Variants in STK33 observed in about 807,000 individuals in gnomAD.
STK33 encodes the protein serine/threonine kinase 33, also known as serine/threonine-protein kinase 33.
A neutral mutation model predicts 58.0 loss-of-function variants in STK33; 52 were observed. The observed-to-expected ratio is 0.90, with a 90% confidence interval of 0.72 to 1.13. STK33 has a LOEUF of 1.13. Ranked by LOEUF, STK33 falls within the 50% of genes most tolerant of loss-of-function variation. STK33 has a pLI of 0.00. For missense variants in STK33, 630 were observed against 604.2 expected (o/e 1.04, Z -0.45); for synonymous variants, 215 against 200.1 (o/e 1.07, Z -0.63).
At chr11:8,380,643 T>C in the STK33 span, among the ~76,000 whole-genome samples, 4 of 151,570 alleles carry the variant, frequency 2.6e-5, no homozygotes, top group South Asian at 8.3e-4. Context: ...ACACTGCTGG[T>C]TGGAATGTAA....
intron 1 of STK33, among the ~76,000 whole-genome samples, chr11:8,567,461 A>C (rs948849055): frequency 9.9e-5 from 15 of 152,238 alleles, no homozygotes; most frequent in Non-Finnish European, 7.3e-5. Context: ...GGAGGCAAAT[A>C]ATAATTTCAG....
chr11:8,498,672 A>G (rs7104288), intron 1 of STK33, among the ~76,000 whole-genome samples: 83,775 of 151,966 alleles, frequency 0.55, 23,505 homozygotes, highest in African/African-American at 0.66. Context: ...CACACTACCT[A>G]ACTTCAAACT....
chr11:8,515,922 T>TG (rs1253096154), intron 1 of STK33, among the ~76,000 whole-genome samples: 2 of 152,152 alleles, frequency 1.3e-5, no homozygotes, highest in Admixed American at 6.5e-5. Context: ...TTATAAGATC[T>TG]GGGGCAAGAA....
chr11:8,354,959 T>C, the STK33 span, among the ~76,000 whole-genome samples: 1 of 152,260 alleles, frequency 6.6e-6, no homozygotes, highest in Non-Finnish European at 1.5e-5. Context: ...TGAATGCTTC[T>C]GTTTCTGATC....
At chr11:8,458,413 T>C (rs1204586460) in intron 8 of STK33, among the ~76,000 whole-genome samples, 3 of 126,596 alleles carry the variant, frequency 2.4e-5, no homozygotes, top group Non-Finnish European at 4.9e-5. Flanking sequence ...ACTTAGCTTA[T>C]GGGCCATTAA....
chr11:8,489,967 G>A (rs950974589), intron 1 of STK33, among the ~76,000 whole-genome samples: 1 of 152,150 alleles, frequency 6.6e-6, no homozygotes, highest in African/African-American at 2.4e-5. Context: ...TGGCCGAATA[G>A]GAACAGCTCT....
intron 1 of STK33, among the ~76,000 whole-genome samples, chr11:8,508,266 CTT>C (rs34759366): frequency 7.9e-5 from 9 of 114,270 alleles, no homozygotes; most frequent in Admixed American, 2.0e-4. Context: ...ACCTTCTATT[CTT>C]TTTTTTTTTT....
intron 1 of STK33, among the ~76,000 whole-genome samples, chr11:8,570,431 T>G (rs568206158): frequency 6.6e-6 from 1 of 152,048 alleles, no homozygotes; most frequent in Non-Finnish European, 1.5e-5. Context: ...CAAAGAAAAA[T>G]AAATACATAT....
intron 1 of STK33, among the ~76,000 whole-genome samples, chr11:8,593,580 G>C (rs2032954191): frequency 6.6e-6 from 1 of 152,128 alleles, no homozygotes; most frequent in African/African-American, 2.4e-5. Context: ...GCTGCTTTAT[G>C]TCATCCTTTC....
intron 1 of STK33, among the ~76,000 whole-genome samples, chr11:8,495,094 T>G (rs1376063416): frequency 6.6e-6 from 1 of 151,962 alleles, no homozygotes; most frequent in African/African-American, 2.4e-5. Flanking sequence ...AATTGACAAA[T>G]GGGATCTAAT....
intron 1 of STK33, among the ~76,000 whole-genome samples, chr11:8,520,243 C>T (rs1214775009): frequency 1.3e-5 from 2 of 152,114 alleles, no homozygotes; most frequent in Admixed American, 1.3e-4. Flanking sequence ...AGACAAAAAC[C>T]ACATGATTAT....
intron 15 of STK33, among the ~76,000 whole-genome samples, chr11:8,395,530 CCTG>C (rs1279255323): frequency 6.6e-6 from 1 of 152,176 alleles, no homozygotes; most frequent in Non-Finnish European, 1.5e-5. Context: ...ATGCTTTCTT[CCTG>C]CTTTTTATAC....
At chr11:8,528,328 C>T (rs1482399770) in intron 1 of STK33, among the ~76,000 whole-genome samples, 1 of 152,134 alleles carries the variant, frequency 6.6e-6, no homozygotes, top group Non-Finnish European at 1.5e-5. Flanking sequence ...TCCTCATATT[C>T]CTGGAACTTG....
intron 14 of STK33, among the ~76,000 whole-genome samples, chr11:8,414,485 G>A (rs1246484897): frequency 1.3e-5 from 2 of 152,008 alleles, no homozygotes; most frequent in South Asian, 4.2e-4. Context: ...TTCAGGTGTG[G>A]GCATGGCTAT....
At chr11:8,335,781 T>C in the STK33 span, among the ~76,000 whole-genome samples, 6 of 152,218 alleles carry the variant, frequency 3.9e-5, no homozygotes, top group Non-Finnish European at 8.8e-5. Flanking sequence ...GTAATCAACA[T>C]AAACATTATG....
intron 15 of STK33, among the ~76,000 whole-genome samples, chr11:8,396,374 C>T (rs1044308677): frequency 6.6e-6 from 1 of 152,174 alleles, no homozygotes; most frequent in Non-Finnish European, 1.5e-5. Flanking sequence ...TTGTAAAATA[C>T]TGTATGTGTA....
chr11:8,587,294 T>C (rs992403653), intron 1 of STK33, among the ~76,000 whole-genome samples: 69 of 152,214 alleles, frequency 4.5e-4, no homozygotes, highest in African/African-American at 1.5e-3. Context: ...ATTGAAGGGC[T>C]ACATATTTGT....
chr11:8,402,108 A>G (rs1938124692), intron 15 of STK33, among the ~76,000 whole-genome samples: 1 of 152,208 alleles, frequency 6.6e-6, no homozygotes, highest in African/African-American at 2.4e-5. Flanking sequence ...CAGCAATCCC[A>G]TTACTTGGTA....
chr11:8,571,832 C>CA (rs376750068), intron 1 of STK33, among the ~76,000 whole-genome samples: 3,339 of 67,220 alleles, frequency 0.05, 187 homozygotes, highest in Middle Eastern at 0.08. Flanking sequence ...GACCCAGTCT[C>CA]AAAAAAAAAA....
Sources: allele counts gnomAD v4.1 joint callset (sites outside exome capture counted in the v4.1 genomes callset), GRCh38; gene constraint gnomAD v4.1.1; transcripts MANE v1.5; gene names NCBI Gene and HGNC (gene_info 2026-07-23, HGNC 2026-07-21).